SLC25A53: variants seen among roughly 807,000 people sequenced by gnomAD.
SLC25A53 encodes the protein solute carrier family 25 member 53, also known as mitochondrial carrier triple repeat protein 6.
Under a neutral mutation model 15.0 loss-of-function variants are expected in SLC25A53, and 5 were observed. The observed-to-expected ratio is 0.33, with a 90% CI of 0.17 to 0.70. The LOEUF is 0.70. SLC25A53 is among the 30% of genes least tolerant of loss of function. The pLI is 0.67. For missense variants in SLC25A53, 216 were observed against 241.6 expected (o/e 0.89, Z 0.70); for synonymous variants, 95 against 100.0 (o/e 0.95, Z 0.30).
intron 1 of SLC25A53, among the ~76,000 whole-genome samples, chrX:104,124,626 T>C (rs1190881628): frequency 2.7e-5 from 3 of 109,475 alleles, no homozygotes; most frequent in Non-Finnish European, 5.7e-5. Flanking sequence ...TAGTGGCACA[T>C]GCCTGTAGTC....
intron 1 of SLC25A53, among the ~76,000 whole-genome samples, chrX:104,122,116 T>C (rs1556362985): frequency 9.6e-6 from 1 of 103,798 alleles, no homozygotes; most frequent in East Asian, 3.0e-4. Context: ...CCCTTTTTGT[T>C]CCAAAATTTT....
At position 104,104,314 on chromosome X, in the gene SLC25A53, C is replaced by G. The variant is rs1243748178; in HGVS notation, c.*20G>C. ...GGGAAGATTTAGAATAACAAAGCTG[C>G]CATGCCACACTTTCTGCAGCTAGTC... On this transcript the variant is annotated 3_prime_UTR_variant, in exon 2 of 2. Transcript: ENST00000594199. 5.9e-5 allele frequency: 70 copies of G among 1,193,588 alleles called. No individual in the cohort carries two copies. The African/African-American group carries it at 1.0e-3, about 17-fold the overall frequency.
intron 1 of SLC25A53, among the ~76,000 whole-genome samples, chrX:104,123,738 T>C (rs896086219): frequency 1.8e-5 from 2 of 109,847 alleles, no homozygotes; most frequent in South Asian, 4.0e-4. Flanking sequence ...ACAGGCCCCG[T>C]TGTGTGATGT....
intron 1 of SLC25A53, among the ~76,000 whole-genome samples, chrX:104,121,154 G>A (rs2075391748): frequency 8.9e-6 from 1 of 112,022 alleles, no homozygotes; most frequent in Non-Finnish European, 1.9e-5. Flanking sequence ...TGAGATTTTG[G>A]TATCAAAGGT....
intron 1 of SLC25A53, among the ~76,000 whole-genome samples, chrX:104,133,862 A>G (rs2075430995): frequency 8.9e-6 from 1 of 111,898 alleles, no homozygotes; most frequent in Non-Finnish European, 1.9e-5. Flanking sequence ...GGCTGTAAAA[A>G]GGGCCACCAG....
intron 1 of SLC25A53, among the ~76,000 whole-genome samples, chrX:104,143,517 A>G (rs782079028): frequency 3.6e-5 from 4 of 112,256 alleles, no homozygotes; most frequent in Non-Finnish European, 5.6e-5. Context: ...TTGAAGATCA[A>G]CTTAATGAAA....
intron 1 of SLC25A53, among the ~76,000 whole-genome samples, chrX:104,125,287 G>C (rs1482749005): frequency 7.2e-5 from 8 of 111,358 alleles, no homozygotes; most frequent in Admixed American, 9.6e-5. Flanking sequence ...TAAAAGTTGG[G>C]TCATAGCAGG....
At chrX:104,132,031 C>T (rs782562245) in intron 1 of SLC25A53, among the ~76,000 whole-genome samples, 5 of 112,220 alleles carry the variant, frequency 4.5e-5, no homozygotes, top group African/African-American at 1.3e-4. Flanking sequence ...CACTGATCCC[C>T]GACCATTCAA....
chrX:104,141,170 T>C (rs1440797175), intron 1 of SLC25A53, among the ~76,000 whole-genome samples: 1 of 111,856 alleles, frequency 8.9e-6, no homozygotes, highest in Non-Finnish European at 1.9e-5. Flanking sequence ...AGAAAACAAC[T>C]GAATCTTAGC....
At position 104,143,091 on chromosome X, in the gene SLC25A53, C is replaced by T. The variant is rs150414580; in HGVS notation, c.-32+13787G>A. Among the ~76,000 whole-genome samples, 218 of 110,932 alleles carry T rather than the reference C, an allele frequency of 2.0e-3. 4 individuals are homozygous for T. The East Asian group carries it at 0.048, about 24-fold the overall frequency. On this transcript the variant is annotated intron_variant, in intron 1 of 1. Transcript: ENST00000594199. Reference sequence around the variant, plus strand: ...AAGGACTCCCACACCAAAACCCCATCGGTAGGTCACGAACGTCAAAGACCA... The same window carrying T: ...AAGGACTCCCACACCAAAACCCCATTGGTAGGTCACGAACGTCAAAGACCA...
At chrX:104,119,687 C>T (rs887819816) in intron 1 of SLC25A53, among the ~76,000 whole-genome samples, 18 of 105,158 alleles carry the variant, frequency 1.7e-4, no homozygotes, top group Non-Finnish European at 2.3e-4. Flanking sequence ...ACTCTTTAAG[C>T]GGGGGGCGGG....
At chrX:104,145,256 A>C (rs1556368426) in intron 1 of SLC25A53, among the ~76,000 whole-genome samples, 1 of 112,365 alleles carries the variant, frequency 8.9e-6, no homozygotes, top group Non-Finnish European at 1.9e-5. Context: ...ATGTTCTTTG[A>C]AACCAATGAG....
chrX:104,137,326 TAGG>T (rs1382258622), intron 1 of SLC25A53, among the ~76,000 whole-genome samples: 2 of 111,344 alleles, frequency 1.8e-5, no homozygotes, highest in African/African-American at 6.5e-5. Flanking sequence ...AATCTCCTAG[TAGG>T]AGGTTTAGCT....
At chrX:104,148,570 A>C (rs1490770015) in intron 1 of SLC25A53, among the ~76,000 whole-genome samples, 1 of 110,857 alleles carries the variant, frequency 9.0e-6, no homozygotes, top group Non-Finnish European at 1.9e-5. Context: ...ATTCTCAGCA[A>C]ACTATCACAA....
intron 1 of SLC25A53, among the ~76,000 whole-genome samples, chrX:104,118,189 T>C (rs1019025078): frequency 2.4e-4 from 27 of 112,378 alleles, no homozygotes; most frequent in African/African-American, 7.8e-4. Context: ...ATACCCTTCA[T>C]TTATAATTAT....
chrX:104,112,022 T>C (rs1438140993), intron 1 of SLC25A53: 2 of 111,782 alleles, frequency 1.8e-5, no homozygotes, highest in African/African-American at 6.5e-5. Context: ...CTGCACTTCC[T>C]AACTGTACTG....
chrX:104,112,064 G>A lies in SLC25A53; in HGVS notation c.-31-6776C>T, dbSNP rs782721667. On this transcript the variant is annotated intron_variant, in intron 1 of 1. Transcript: ENST00000594199. ...TGCTTCAGTCCTTTCCTGTTAAATGGGCACACTACTACCTCCTTCACACGG... is the reference window on the plus strand; with the variant it reads ...TGCTTCAGTCCTTTCCTGTTAAATGAGCACACTACTACCTCCTTCACACGG... The A allele has an allele frequency of 8.1e-5, 9 of 111,518 alleles. No homozygotes were observed. In the South Asian group the frequency reaches 3.4e-3, roughly 43 times the overall value. The allele number at this position is 111,518 out of a possible 1,213,427, so 9.2% of individuals were successfully genotyped here. A position where few individuals can be genotyped will look rare whatever the true frequency, so the allele number is the denominator to read the frequency against.
intron 1 of SLC25A53, among the ~76,000 whole-genome samples, chrX:104,156,053 A>AT (rs1218144098): frequency 1.1e-5 from 1 of 91,108 alleles, no homozygotes; most frequent in African/African-American, 4.9e-5. Context: ...GAGACTCCTT[A>AT]TCAAAAAAAA....
At chrX:104,147,837 T>G (rs1294353165) in intron 1 of SLC25A53, among the ~76,000 whole-genome samples, 4 of 109,302 alleles carry the variant, frequency 3.7e-5, no homozygotes, top group African/African-American at 6.6e-5. Flanking sequence ...ATAGGAACAC[T>G]TTTACACTGT....
Sources: gnomAD v4.1 joint callset for allele counts (sites outside exome capture counted in the v4.1 genomes callset) on GRCh38, gnomAD v4.1.1 for gene constraint, MANE v1.5 for transcripts, NCBI Gene and HGNC (gene_info 2026-07-23, HGNC 2026-07-21) for gene names.